SNX29: variants seen among roughly 807,000 people sequenced by gnomAD.
The protein encoded by SNX29 is sorting nexin-29.
SNX29 carries 78 observed loss-of-function variants against 102.1 expected under a neutral mutation model. That is an observed-to-expected ratio of 0.76 (90% CI 0.64 to 0.92). SNX29 has a LOEUF of 0.92. Among genes scored for constraint, SNX29 ranks in the 40% least tolerant of loss-of-function variants. The pLI, the probability that SNX29 is intolerant of heterozygous loss-of-function variation, is 0.00. For missense variants in SNX29, 1,280 were observed against 1,061.7 expected, an observed-to-expected ratio of 1.21 and a Z score of -2.86; for synonymous variants, 580 against 414.5, an observed-to-expected ratio of 1.40 and a Z score of -4.85.
chr16:12,555,774 A>C (rs3135013), intron 20 of SNX29, among the ~76,000 whole-genome samples: 18 of 152,130 alleles, frequency 1.2e-4, no homozygotes, highest in South Asian at 4.2e-4. Flanking sequence ...CAGGCTGCTC[A>C]GTGGCACCAG....
intron 19 of SNX29, among the ~76,000 whole-genome samples, chr16:12,509,425 C>T (rs1041796040): frequency 6.6e-6 from 1 of 152,132 alleles, no homozygotes; most frequent in Admixed American, 6.5e-5. Flanking sequence ...TGTCTGAGAG[C>T]ACTGGGAATT....
intron 11 of SNX29, among the ~76,000 whole-genome samples, chr16:12,084,945 C>G (rs1371631049): frequency 1.3e-5 from 2 of 152,032 alleles, no homozygotes; most frequent in Non-Finnish European, 2.9e-5. Flanking sequence ...TGGTGCGTAC[C>G]TGTATTCCCA....
At chr16:12,501,638 C>T (rs1389125880) in intron 19 of SNX29, among the ~76,000 whole-genome samples, 1 of 143,012 alleles carries the variant, frequency 7.0e-6, no homozygotes, top group Non-Finnish European at 1.5e-5. Flanking sequence ...AGGAGAATCA[C>T]TTGAACCCGA....
chr16:12,015,606 G>A (rs935244217), intron 3 of SNX29, among the ~76,000 whole-genome samples: 2 of 151,200 alleles, frequency 1.3e-5, no homozygotes, highest in Non-Finnish European at 2.9e-5. Flanking sequence ...TGCGATCTTG[G>A]CTCAGTGCAA....
rs2056208430 is a variant in SNX29, at chr16:11,999,485, C to T, written c.69+127C>T. On this transcript the variant is annotated intron_variant, in intron 2 of 20. Transcript: ENST00000566228. The stretch of plus-strand genomic sequence containing the variant: ...TTATACCTGGGAACAGTGAAGTGAT[C>T]TACTCATTTTTCCCAGGAAATGATA... The T allele has an allele frequency of 2.0e-5, 18 of 910,908 alleles. No homozygotes were observed. The South Asian group carries it at 2.7e-4, about 13-fold the overall frequency. 56.4% of individuals were successfully genotyped at this position (910,908 alleles called of 1,614,324 possible).
At chr16:12,463,518 T>C (rs1032889571) in intron 18 of SNX29, among the ~76,000 whole-genome samples, 1 of 152,096 alleles carries the variant, frequency 6.6e-6, no homozygotes, top group Non-Finnish European at 1.5e-5. Flanking sequence ...CTCATGAGAC[T>C]TATTCACTAA....
intron 11 of SNX29, among the ~76,000 whole-genome samples, chr16:12,099,563 T>TTC (rs1398715580): frequency 6.6e-6 from 1 of 152,190 alleles, no homozygotes; most frequent in Non-Finnish European, 1.5e-5. Flanking sequence ...CCCTTGGCTC[T>TTC]TGGGTCCCCC....
At chr16:12,193,379 G>T (rs913492975) in intron 13 of SNX29, among the ~76,000 whole-genome samples, 48 of 149,722 alleles carry the variant, frequency 3.2e-4, no homozygotes, top group African/African-American at 1.2e-3. Flanking sequence ...TGAGGCAGGA[G>T]AATCACTTGA....
At chr16:12,365,560 C>T (rs988416503) in intron 16 of SNX29, among the ~76,000 whole-genome samples, 1 of 150,846 alleles carries the variant, frequency 6.6e-6, no homozygotes, top group Non-Finnish European at 1.5e-5. Flanking sequence ...CATGGTGGTG[C>T]GTGCCTGTAA....
chr16:12,551,150 C>T (rs993341421), intron 20 of SNX29, among the ~76,000 whole-genome samples: 2 of 152,106 alleles, frequency 1.3e-5, no homozygotes, highest in Non-Finnish European at 2.9e-5. Flanking sequence ...CCAGGAGAAT[C>T]TCAGAAAACC....
rs1041112879 is a variant in SNX29 at position 12,573,175 on chromosome 16, G to A, written c.*4546G>A. The A allele has an allele frequency of 8.8e-6, 2 of 226,134 alleles. No individual in the cohort carries two copies. Among genetic ancestry groups the A allele is most frequent in the African/African-American group, 4.4e-5 (2 of 45,018 alleles). 14.0% of individuals were successfully genotyped at this position (226,134 alleles called of 1,614,324 possible). ...CTCCTTGGTCAATAGAAGTAAGGGTGTAGCCATCCAGGGTCTCCCGGCTCT... is the reference window on the plus strand; with the variant it reads ...CTCCTTGGTCAATAGAAGTAAGGGTATAGCCATCCAGGGTCTCCCGGCTCT... On this transcript the variant is annotated 3_prime_UTR_variant, in exon 21 of 21. Transcript: ENST00000566228.
In SNX29 at chr16:12,087,469, T is replaced by C. The variant is rs191317111; in HGVS notation, c.1402+8554T>C. 29 of 218,510 alleles carry C rather than the reference T, an allele frequency of 1.3e-4. No homozygotes were observed. The East Asian group carries it at 3.0e-3, about 23-fold the overall frequency. The allele number at this position is 218,510 out of a possible 1,614,324, so 13.5% of individuals were successfully genotyped here. ...AAAATTAGCTGGTCATGGTGGCACA[T>C]GTCTGTGGACTCAGCTTCTTGGGAG... is the stretch of plus-strand genomic sequence containing the variant. On this transcript the variant is annotated intron_variant, in intron 11 of 20. Coordinates refer to ENST00000566228, the MANE Select transcript of SNX29 (RefSeq NM_032167.5).
At chr16:12,050,759 T>C (rs2050265720) in intron 7 of SNX29, among the ~76,000 whole-genome samples, 1 of 152,158 alleles carries the variant, frequency 6.6e-6, no homozygotes, top group African/African-American at 2.4e-5. Flanking sequence ...TCACCCAGAC[T>C]GGAGTGCAAT....
rs1428790288 is a variant in SNX29, at chr16:12,572,020, A to G, written c.*3391A>G. On this transcript the variant is annotated 3_prime_UTR_variant, in exon 21 of 21. Coordinates refer to ENST00000566228, the MANE Select transcript of SNX29 (RefSeq NM_032167.5). ...AGTTGCATCTAGGGAGCTGCTGGCT[A>G]TAAAAGGGATCATCCAGTGGAGTTG... 1.9e-6 allele frequency: 2 copies of G among 1,061,900 alleles called. No individual in the cohort carries two copies. Among genetic ancestry groups the G allele is most frequent in the African/African-American group, 1.6e-5 (1 of 60,860 alleles). The allele number at this position is 1,061,900 out of a possible 1,614,324, so 65.8% of individuals were successfully genotyped here. A position where few individuals can be genotyped will look rare whatever the true frequency, so the allele number is the denominator to read the frequency against.
At chr16:12,421,728 C>T (rs533292719) in intron 18 of SNX29, among the ~76,000 whole-genome samples, 1 of 152,142 alleles carries the variant, frequency 6.6e-6, no homozygotes, top group African/African-American at 2.4e-5. Flanking sequence ...CTCCTTCCTC[C>T]TCAATCAGAA....
chr16:12,321,991 G>A (rs1322305864), intron 15 of SNX29, among the ~76,000 whole-genome samples: 1 of 152,176 alleles, frequency 6.6e-6, no homozygotes, highest in Non-Finnish European at 1.5e-5. Flanking sequence ...ACGTGATGGT[G>A]AAGTCCAGGT....
At chr16:12,435,465 A>G (rs927411282) in intron 18 of SNX29, among the ~76,000 whole-genome samples, 1 of 152,182 alleles carries the variant, frequency 6.6e-6, no homozygotes, top group Non-Finnish European at 1.5e-5. Context: ...GCAGGCGGGT[A>G]CGAGGCTCTG....
chr16:12,117,326 A>T (rs373717796), intron 11 of SNX29, among the ~76,000 whole-genome samples: 2 of 135,816 alleles, frequency 1.5e-5, no homozygotes, highest in Non-Finnish European at 3.1e-5. Context: ...ACGTGCTTCA[A>T]TGCGGACGAA....
At chr16:12,203,330 G>A (rs1214380430) in intron 14 of SNX29, among the ~76,000 whole-genome samples, 5 of 151,756 alleles carry the variant, frequency 3.3e-5, no homozygotes, top group South Asian at 2.1e-4. Context: ...CTGAAGTTGC[G>A]TAGTGTGGCC....
Sources: allele counts gnomAD v4.1 joint callset (sites outside exome capture counted in the v4.1 genomes callset), GRCh38; gene constraint gnomAD v4.1.1; transcripts MANE v1.5; gene names NCBI Gene and HGNC (gene_info 2026-07-23, HGNC 2026-07-21).